Variants in LRRC41 observed in about 807,000 individuals in gnomAD.
LRRC41 encodes the protein leucine rich repeat containing 41.
Under a neutral mutation model 72.1 loss-of-function variants are expected in LRRC41, and 17 were observed. The ratio of observed to expected loss-of-function variants is 0.24; its 90% CI spans 0.16 to 0.35. The LOEUF (loss-of-function observed/expected upper bound fraction) is 0.35, where lower values mean the gene tolerates loss of function less well. LRRC41 is among the 10% of genes least tolerant of loss of function. The pLI is 1.00. For missense variants in LRRC41, 759 were observed against 1,065.0 expected (o/e 0.71, Z 4.00); for synonymous variants, 427 against 431.0 (o/e 0.99, Z 0.11).
chr1:46,293,832 C>T (rs944825792), intron 3 of LRRC41, among the ~76,000 whole-genome samples: 2 of 151,974 alleles, frequency 1.3e-5, no homozygotes, highest in Non-Finnish European at 1.5e-5. Context: ...GGTGCCATCT[C>T]GGCTCATTTT....
intron 3 of LRRC41, among the ~76,000 whole-genome samples, chr1:46,295,678 G>A (rs1455401453): frequency 6.6e-6 from 1 of 152,188 alleles, no homozygotes; most frequent in Non-Finnish European, 1.5e-5. Flanking sequence ...CTTTCTCCAA[G>A]AGAAAAATAT....
rs775591189 is a variant in LRRC41, at chr1:46,277,726, T to A, written c.*1139A>T. The A allele has an allele frequency of 7.1e-7, 1 of 1,407,658 alleles. No homozygotes were observed. 87.2% of individuals were successfully genotyped at this position (1,407,658 alleles called of 1,614,324 possible). On this transcript the variant is annotated 3_prime_UTR_variant, in exon 10 of 10. Transcript: ENST00000617190. ...TATTCATCTCCTCTTCTCGGGTAGC[T>A]GTAGTTTCAACCCTTTGGTTTTCCT... is the stretch of plus-strand genomic sequence containing the variant.
At chr1:46,291,233 G>C (rs1054154327) in intron 3 of LRRC41, among the ~76,000 whole-genome samples, 3 of 151,946 alleles carry the variant, frequency 2.0e-5, no homozygotes, top group African/African-American at 7.2e-5. Flanking sequence ...CCTGTTACTA[G>C]CTTTTTTATA....
Position 46,279,708 on chromosome 1 carries a change from T to C in LRRC41, c.2021-94A>G. ...TGGCCCTAGCAAGGGGTATTAACAT[T>C]ATAGAGGCCCAAAAAGAGGAAGGAA... is the stretch of plus-strand genomic sequence containing the variant. On this transcript the variant is annotated intron_variant, in intron 7 of 9. Transcript: ENST00000617190. The surrounding 1 kb of genome is among the most constrained non-coding windows in gnomAD (Gnocchi z 4.5). 7.0e-7 allele frequency: 1 copy of C among 1,419,992 alleles called. No individual in the cohort carries two copies. The highest frequency in any genetic ancestry group is 9.7e-7 in the Non-Finnish European group (1 of 1,028,060). 88.0% of individuals were successfully genotyped at this position (1,419,992 alleles called of 1,614,324 possible). A position where few individuals can be genotyped will look rare whatever the true frequency, so the allele number is the denominator to read the frequency against.
In LRRC41 at chr1:46,278,736, G is replaced by A. The variant is rs1164767316; in HGVS notation, c.*129C>T. ...CCTCCAGGACCTCAGTGCAAGGGAAGAAGGAAAAAAGAGAAAAAAGGTGAC... is the reference window on the plus strand; with the variant it reads ...CCTCCAGGACCTCAGTGCAAGGGAAAAAGGAAAAAAGAGAAAAAAGGTGAC... On this transcript the variant is annotated 3_prime_UTR_variant, in exon 10 of 10. Coordinates refer to ENST00000617190, the MANE Select transcript of LRRC41 (RefSeq NM_006369.5). 4 of 929,462 alleles carry A rather than the reference G, an allele frequency of 4.3e-6. No individual in the cohort carries two copies. The highest frequency in any genetic ancestry group is 3.3e-5 in the African/African-American group (2 of 60,382). 57.6% of individuals were successfully genotyped at this position (929,462 alleles called of 1,614,324 possible). A position where few individuals can be genotyped will look rare whatever the true frequency, so the allele number is the denominator to read the frequency against.
intron 5 of LRRC41, 21 bp downstream of exon 5, chr1:46,281,104 A>C (rs567327157): frequency 5.0e-6 from 8 of 1,612,242 alleles, no homozygotes; most frequent in African/African-American, 2.7e-5. Flanking sequence ...CACACACACA[A>C]ACACACACAC....
chr1:46,280,975 G>A, intron 5 of LRRC41, 150 bp downstream of exon 5: 1 of 1,079,008 alleles, frequency 9.3e-7, no homozygotes, highest in Non-Finnish European at 1.3e-6. Flanking sequence ...GAGTATCTTA[G>A]TGGTAGGCTC....
In LRRC41 at chr1:46,278,306, T is replaced by C. The variant is rs1176263109; in HGVS notation, c.*559A>G. 1 of 1,594,328 alleles carries C rather than the reference T, an allele frequency of 6.3e-7. No homozygotes were observed. Among genetic ancestry groups the C allele is most frequent in the African/African-American group, 1.3e-5 (1 of 74,536 alleles). ...GATAACCAGCTGGTCTGGGTGTAGC[T>C]CTTAGAGGAAGGAGATAGGGAAAAG... On this transcript the variant is annotated 3_prime_UTR_variant, in exon 10 of 10. Transcript: ENST00000617190.
intron 4 of LRRC41, among the ~76,000 whole-genome samples, chr1:46,282,890 G>A (rs1660807997): frequency 6.6e-6 from 1 of 152,014 alleles, no homozygotes; most frequent in South Asian, 2.1e-4. Context: ...AAAATTAGCT[G>A]GGCATGGTGG....
Position 46,290,526 on chromosome 1 carries a change from G to A in LRRC41, c.358-4027C>T, listed in dbSNP as rs1037044226. Among the ~76,000 whole-genome samples, 10 of 151,882 alleles carry A rather than the reference G, an allele frequency of 6.6e-5. No individual in the cohort carries two copies. The East Asian group carries it at 1.5e-3, about 24-fold the overall frequency. On this transcript the variant is annotated intron_variant, in intron 3 of 9. Transcript: ENST00000617190. ...ATGCTGGGCTTTTAAAACATACCAT[G>A]TATTCAAATATTTTTAGAATATTTT...
chr1:46,293,458 T>C (rs924450181), intron 3 of LRRC41, among the ~76,000 whole-genome samples: 1 of 152,290 alleles, frequency 6.6e-6, no homozygotes, highest in East Asian at 1.9e-4. Context: ...CAGGCTGTTC[T>C]TGAACTCCTG....
At chr1:46,301,672 A>G (rs1557720309) in intron 1 of LRRC41, among the ~76,000 whole-genome samples, 1 of 149,228 alleles carries the variant, frequency 6.7e-6, no homozygotes, top group Non-Finnish European at 1.5e-5. Flanking sequence ...TCCTCATGGC[A>G]TAACTCAAAC....
In LRRC41 at chr1:46,285,420, T is replaced by C. The variant is rs757449051; in HGVS notation, c.1437A>G (p.Thr479=). The change falls in exon 4 of 10, where the codon ACA becomes ACG. Residue 479 remains threonine (T), a synonymous_variant. Coordinates refer to ENST00000617190, the MANE Select transcript of LRRC41 (RefSeq NM_006369.5). The surrounding 1 kb of genome is among the most constrained non-coding windows in gnomAD (Gnocchi z 5.3). ...CCCAGGAGCTCAGCAGGTGGCATAGTGTCAGGGCTGCCTCTGTGGAGAGTG... is the reference window on the plus strand; with the variant it reads ...CCCAGGAGCTCAGCAGGTGGCATAGCGTCAGGGCTGCCTCTGTGGAGAGTG... The part of the protein sequence containing the change: ...TVPLSTEAAL[T]LCHLLSSWVS... The C allele has an allele frequency of 1.2e-6, 2 of 1,614,002 alleles. No homozygotes were observed. The highest frequency in any genetic ancestry group is 8.5e-7 in the Non-Finnish European group (1 of 1,180,024).
intron 3 of LRRC41, among the ~76,000 whole-genome samples, chr1:46,296,395 C>CA (rs1661127381): frequency 6.6e-6 from 1 of 152,132 alleles, no homozygotes; most frequent in Non-Finnish European, 1.5e-5. Flanking sequence ...CCGGCGTGGA[C>CA]AACAAGGGCA....
At chr1:46,291,604 G>C (rs906217109) in intron 3 of LRRC41, among the ~76,000 whole-genome samples, 7 of 126,856 alleles carry the variant, frequency 5.5e-5, no homozygotes, top group Non-Finnish European at 1.1e-4. Context: ...CTGTCGCCCA[G>C]GCTGGAGTGC....
At position 46,286,669 on chromosome 1, in the gene LRRC41, C is replaced by G. The variant is rs370107178; in HGVS notation, c.358-170G>C. Among the ~76,000 whole-genome samples the G allele has an allele frequency of 1.1e-4, 17 of 152,188 alleles. No homozygotes were observed. In the East Asian group the frequency reaches 3.3e-3, roughly 29 times the overall value. On this transcript the variant is annotated intron_variant, in intron 3 of 9. Coordinates refer to ENST00000617190, the MANE Select transcript of LRRC41 (RefSeq NM_006369.5). This position sits in a 1 kb window ranked among gnomAD's most constrained non-coding sequence, Gnocchi z 5.5. ...ATTAGCCCTATTTTACAGGTAAAAC[C>G]GAGGCACAAAGAGGTGGCCACACAG... is the stretch of plus-strand genomic sequence containing the variant.
In LRRC41 at chr1:46,281,354, G is replaced by A; in HGVS notation, c.1527C>T (p.Asp509=). ...GLGSNIFRLL[D]SLRALSGQAG... ...CCTGGCCTGACAGGGCCCGCAGGCT[G>A]TCTAGCAGGCGGAAGATGTTAGAGC... Residue 509 remains aspartate (D), a synonymous_variant, in exon 5 of 10, where the codon GAC becomes GAT. Coordinates refer to ENST00000617190, the MANE Select transcript of LRRC41 (RefSeq NM_006369.5). 6.2e-7 allele frequency: 1 copy of A among 1,614,194 alleles called. No homozygotes were observed. Among genetic ancestry groups the A allele is most frequent in the Non-Finnish European group, 8.5e-7 (1 of 1,180,016 alleles).
intron 3 of LRRC41, among the ~76,000 whole-genome samples, chr1:46,295,866 T>A (rs1270964589): frequency 2.0e-5 from 3 of 152,194 alleles, no homozygotes; most frequent in African/African-American, 7.2e-5. Flanking sequence ...CAGTCCAGAT[T>A]TGGAAGTGAA....
At chr1:46,284,337 CT>C (rs1660841677) in intron 4 of LRRC41, 1 of 152,134 alleles carries the variant, frequency 6.6e-6, no homozygotes, top group Non-Finnish European at 1.5e-5. Flanking sequence ...GTTTTGAATC[CT>C]AGCTCTATAA....
Sources: allele counts gnomAD v4.1 joint callset (sites outside exome capture counted in the v4.1 genomes callset), GRCh38; gene constraint gnomAD v4.1.1; non-coding constraint Gnocchi (gnomAD v3.1); transcripts MANE v1.5; gene names NCBI Gene and HGNC (gene_info 2026-07-23, HGNC 2026-07-21).